Variants in ATP9B observed in about 807,000 individuals in gnomAD.
ATP9B encodes the protein ATPase phospholipid transporting 9B.
ATP9B carries 110 observed loss-of-function variants against 146.1 expected under a neutral mutation model. That is an observed-to-expected ratio of 0.75 (90% CI 0.65 to 0.88). The LOEUF (loss-of-function observed/expected upper bound fraction) is 0.88, where lower values mean the gene tolerates loss of function less well. ATP9B is among the 40% of genes least tolerant of loss of function. The probability of loss-of-function intolerance (pLI) is 0.00; values close to 1 mark genes in which losing one functional copy is unlikely to be tolerated. For missense variants in ATP9B, 1,499 were observed against 1,496.4 expected (o/e 1.00, Z -0.03); for synonymous variants, 604 against 569.7 (o/e 1.06, Z -0.86).
chr18:79,343,777 C>A (rs897221297), intron 20 of ATP9B: 4 of 199,240 alleles, frequency 2.0e-5, no homozygotes, highest in South Asian at 9.3e-5. Context: ...GTCCGTAACG[C>A]TGCGAGTCAG....
intron 14 of ATP9B, 120 bp downstream of exon 14, chr18:79,303,836 G>A: frequency 1.7e-6 from 1 of 600,194 alleles, no homozygotes; most frequent in Non-Finnish European, 2.9e-6. Flanking sequence ...TTAACATCCT[G>A]CTACTTCAGT....
At chr18:79,173,692 C>G (rs1313578509) in intron 7 of ATP9B, 3 of 455,786 alleles carry the variant, frequency 6.6e-6, no homozygotes, top group East Asian at 6.9e-5. Context: ...TGTTTCTGTT[C>G]CTTCTTCAGT....
intron 1 of ATP9B, among the ~76,000 whole-genome samples, chr18:79,090,487 CTGTT>C (rs1376523796): frequency 1.6e-4 from 24 of 152,272 alleles, no homozygotes; most frequent in South Asian, 1.2e-3. Flanking sequence ...GAGATGATCT[CTGTT>C]TGTAGTTGTG....
chr18:79,083,067 A>C (rs1180307669), intron 1 of ATP9B, among the ~76,000 whole-genome samples: 1 of 152,202 alleles, frequency 6.6e-6, no homozygotes, highest in South Asian at 2.1e-4. Context: ...TAAGCCCCTG[A>C]CTGGGGCAGC....
At chr18:79,090,501 G>C (rs2074233037) in intron 1 of ATP9B, among the ~76,000 whole-genome samples, 1 of 152,134 alleles carries the variant, frequency 6.6e-6, no homozygotes, top group Non-Finnish European at 1.5e-5. Context: ...TTGTAGTTGT[G>C]ATTTGCATTT....
chr18:79,241,451 T>C (rs191152600), intron 11 of ATP9B, among the ~76,000 whole-genome samples: 3 of 152,212 alleles, frequency 2.0e-5, no homozygotes, highest in Admixed American at 2.0e-4. Context: ...TCTTGAGAGA[T>C]GTCGTTCTTT....
At chr18:79,177,013 T>TATAAAACAAATTCTCAA in intron 8 of ATP9B, 106 bp downstream of exon 8, 1 of 941,872 alleles carries the variant, frequency 1.1e-6, no homozygotes, top group Non-Finnish European at 1.6e-6. Flanking sequence ...CATTGAGAAT[T>TATAAAACAAATTCTCAA]TGTTTTATAA....
chr18:79,268,465 C>CT (rs1348729525), intron 12 of ATP9B, among the ~76,000 whole-genome samples: 1 of 151,986 alleles, frequency 6.6e-6, no homozygotes, highest in Non-Finnish European at 1.5e-5. Flanking sequence ...TGTAATGCAA[C>CT]TTTTTTCTCC....
intron 6 of ATP9B, chr18:79,145,984 A>C (rs201298240): frequency 1.6e-5 from 1 of 62,078 alleles, no homozygotes; most frequent in Non-Finnish European, 2.9e-5. Flanking sequence ...GCTGCATGTC[A>C]GGGGAGCTGC....
chr18:79,157,534 T>C (rs2094814072), intron 7 of ATP9B, among the ~76,000 whole-genome samples: 1 of 152,206 alleles, frequency 6.6e-6, no homozygotes, highest in African/African-American at 2.4e-5. Flanking sequence ...CTTTCTTCTA[T>C]GTTTTGGAAG....
intron 2 of ATP9B, among the ~76,000 whole-genome samples, chr18:79,101,341 T>C (rs1188465968): frequency 2.6e-5 from 4 of 152,246 alleles, no homozygotes; most frequent in Non-Finnish European, 1.5e-5. Context: ...CTATTTTTTT[T>C]CCATATTGTA....
chr18:79,315,529 A>G (rs1419615220), intron 15 of ATP9B, among the ~76,000 whole-genome samples: 2 of 152,242 alleles, frequency 1.3e-5, no homozygotes, highest in African/African-American at 4.8e-5. Context: ...TATGATGTAC[A>G]AAGTGCATGG....
intron 15 of ATP9B, among the ~76,000 whole-genome samples, chr18:79,322,296 G>A (rs1445463106): frequency 2.6e-5 from 4 of 152,194 alleles, no homozygotes; most frequent in East Asian, 1.9e-4. Context: ...GAGTTGTAGC[G>A]TCCATAGAAC....
At chr18:79,264,625 T>C (rs2096181826) in intron 12 of ATP9B, among the ~76,000 whole-genome samples, 1 of 152,096 alleles carries the variant, frequency 6.6e-6, no homozygotes, top group Admixed American at 6.5e-5. Flanking sequence ...TTACATTATC[T>C]TCTAGAAGCT....
At chr18:79,358,025 G>T (rs2096964631) in intron 25 of ATP9B, among the ~76,000 whole-genome samples, 2 of 45,372 alleles carry the variant, frequency 4.4e-5, no homozygotes, top group African/African-American at 1.4e-4. Flanking sequence ...AGGTGTCTGT[G>T]TGAGGGGTGC....
In ATP9B at chr18:79,126,303, A is replaced by G. The variant is rs757259342; in HGVS notation, c.595A>G (p.Ile199Val). 2 of 1,612,548 alleles carry G rather than the reference A, an allele frequency of 1.2e-6. No homozygotes were observed. Among genetic ancestry groups the G allele is most frequent in the Non-Finnish European group, 1.7e-6 (2 of 1,178,902 alleles). ...GGCTGTTACTATGACACGGGAAGCA[A>G]TTGATGAATTTCGGCGTTTTCAGCG... ...VLAVTMTREAIDEFRRFQRDK... is the reference protein window; with the variant it reads ...VLAVTMTREAVDEFRRFQRDK... Residue 199 changes from isoleucine to valine, a missense_variant, in exon 5 of 30, where the codon ATT becomes GTT. Coordinates refer to ENST00000426216, the MANE Select transcript of ATP9B (RefSeq NM_198531.5).
At chr18:79,342,562 A>G (rs1385868644) in intron 20 of ATP9B, among the ~76,000 whole-genome samples, 196 bp downstream of exon 20, 4 of 152,090 alleles carry the variant, frequency 2.6e-5, no homozygotes, top group South Asian at 2.1e-4. Context: ...CAATGTGCAC[A>G]TGTACCCTAA....
intron 28 of ATP9B, 39 bp downstream of exon 28, chr18:79,374,140 T>A (rs1344990112): frequency 6.3e-7 from 1 of 1,589,250 alleles, no homozygotes; most frequent in South Asian, 1.1e-5. Flanking sequence ...TCGTTCTCTA[T>A]TCATGATTTT....
intron 11 of ATP9B, among the ~76,000 whole-genome samples, chr18:79,216,204 T>C (rs891359093): frequency 3.9e-5 from 6 of 152,242 alleles, no homozygotes; most frequent in African/African-American, 1.4e-4. Flanking sequence ...GTCTCCACTT[T>C]ATTATTTCTT....
Sources: gnomAD v4.1 joint callset for allele counts (sites outside exome capture counted in the v4.1 genomes callset) on GRCh38, gnomAD v4.1.1 for gene constraint, MANE v1.5 for transcripts, NCBI Gene and HGNC (gene_info 2026-07-23, HGNC 2026-07-21) for gene names.